The following MYO3B variants were observed in gnomAD, a reference collection of about 807,000 sequenced individuals.
MYO3B encodes the protein myosin-IIIb.
A neutral mutation model predicts 174.6 loss-of-function variants in MYO3B; 156 were observed. The observed-to-expected ratio is 0.89, with a 90% CI of 0.78 to 1.02. The LOEUF is 1.02. Among genes scored for constraint, MYO3B ranks in the 50% least tolerant of loss-of-function variants. The pLI, the probability that MYO3B is intolerant of heterozygous loss-of-function variation, is 0.00. For synonymous variants in MYO3B, 563 were observed against 569.1 expected, an observed-to-expected ratio of 0.99 and a Z score of 0.15; for missense variants, 1,632 against 1,639.4, an observed-to-expected ratio of 1.00 and a Z score of 0.08.
chr2:170,284,994 TA>T (rs999140075), intron 7 of MYO3B, among the ~76,000 whole-genome samples: 10 of 152,268 alleles, frequency 6.6e-5, no homozygotes, highest in Non-Finnish European at 8.8e-5. Context: ...TTTGAGTTGC[TA>T]AACATCATGT....
chr2:170,355,438 A>G (rs1489561384), intron 8 of MYO3B, among the ~76,000 whole-genome samples: 1 of 152,258 alleles, frequency 6.6e-6, no homozygotes, highest in Non-Finnish European at 1.5e-5. Context: ...ACACAATGCC[A>G]GTACGACTAT....
intron 32 of MYO3B, chr2:170,647,056 A>G (rs1247779809): frequency 2.1e-6 from 1 of 475,992 alleles, no homozygotes; most frequent in African/African-American, 2.1e-5. Context: ...GCATGTCACT[A>G]ACGTCTTCTT....
chr2:170,605,177 T>A (rs1694738964), intron 32 of MYO3B, among the ~76,000 whole-genome samples: 1 of 152,184 alleles, frequency 6.6e-6, no homozygotes. Flanking sequence ...TTGACAAGGC[T>A]GACCCATGGT....
chr2:170,390,223 G>T (rs12613820), intron 14 of MYO3B, among the ~76,000 whole-genome samples: 7,777 of 152,282 alleles, frequency 0.051, 725 homozygotes, highest in East Asian at 0.45. Context: ...AAGATAGCTT[G>T]TTTGAGACCA....
At position 170,379,682 on chromosome 2, in the gene MYO3B, A is replaced by G. The variant is rs1263135619; in HGVS notation, c.972-2334A>G. Among the ~76,000 whole-genome samples, 4 of 152,334 alleles carry G rather than the reference A, an allele frequency of 2.6e-5. No homozygotes were observed. In the East Asian group the frequency reaches 7.7e-4, roughly 29 times the overall value. On this transcript the variant is annotated intron_variant, in intron 9 of 34. Coordinates refer to ENST00000408978, the MANE Select transcript of MYO3B (RefSeq NM_138995.5). ...ATTTGATTTTTCTTTGCCATCACCA[A>G]TATGTAAAGTCACAGATAAATAATT...
chr2:170,649,021 A>ATATATAAAATAATATATAATGTATAT lies in MYO3B; in HGVS notation c.3734-2574_3734-2549dup, dbSNP rs1559200667. Among the ~76,000 whole-genome samples the ATATATAAAATAATATATAATGTATAT allele has an allele frequency of 1.6e-3, 85 of 52,752 alleles. 33 individuals are homozygous for ATATATAAAATAATATATAATGTATAT. Among genetic ancestry groups the ATATATAAAATAATATATAATGTATAT allele is most frequent in the Non-Finnish European group, 2.5e-3 (74 of 30,168 alleles). The allele number at this position is 52,752 out of a possible 152,430, so 34.6% of individuals were successfully genotyped here. A position where few individuals can be genotyped will look rare whatever the true frequency, so the allele number is the denominator to read the frequency against. On this transcript the variant is annotated intron_variant, in intron 32 of 34. Coordinates refer to ENST00000408978, the MANE Select transcript of MYO3B (RefSeq NM_138995.5). The stretch of plus-strand genomic sequence containing the variant: ...TATATAAAATAATATATAATGTATA[A>ATATATAAAATAATATATAATGTATAT]TATATAAAATAATATATAATGTATA...
chr2:170,624,332 G>A (rs1356331422), intron 32 of MYO3B, among the ~76,000 whole-genome samples: 1 of 152,114 alleles, frequency 6.6e-6, no homozygotes, highest in African/African-American at 2.4e-5. Context: ...TCTCTTTGTA[G>A]GAATTGTGAA....
intron 29 of MYO3B, among the ~76,000 whole-genome samples, chr2:170,516,992 T>C (rs1038029694): frequency 2.6e-5 from 4 of 152,232 alleles, no homozygotes; most frequent in African/African-American, 9.6e-5. Flanking sequence ...CCAATGTCCT[T>C]GTTCAGCAAT....
At chr2:170,426,243 G>A (rs1349215474) in intron 22 of MYO3B, among the ~76,000 whole-genome samples, 2 of 151,854 alleles carry the variant, frequency 1.3e-5, no homozygotes, top group Non-Finnish European at 2.9e-5. Flanking sequence ...GGAGGCTGAG[G>A]CGAGAGGATT....
intron 32 of MYO3B, among the ~76,000 whole-genome samples, chr2:170,568,628 G>A (rs1416791363): frequency 6.6e-6 from 1 of 152,212 alleles, no homozygotes; most frequent in Non-Finnish European, 1.5e-5. Flanking sequence ...ATTCTGCAGA[G>A]GCTCTTGTCC....
intron 32 of MYO3B, among the ~76,000 whole-genome samples, chr2:170,595,184 G>A (rs889718797): frequency 6.6e-6 from 1 of 152,174 alleles, no homozygotes; most frequent in Admixed American, 6.5e-5. Context: ...GGGTTGTGGT[G>A]AGGAGTAAAG....
Position 170,536,978 on chromosome 2 carries a change from A to G in MYO3B, c.3576-5928A>G, listed in dbSNP as rs182604375. Among the ~76,000 whole-genome samples, 570 of 152,092 alleles carry G rather than the reference A, an allele frequency of 3.7e-3. 2 individuals are homozygous for G. The highest frequency in any genetic ancestry group is 0.013 in the African/African-American group (522 of 41,508). The stretch of plus-strand genomic sequence containing the variant: ...GCACTTTGGGAGTCTGAGGCAGGTG[A>G]ATCACGAGGTCAGGCATTCAAGACC... On this transcript the variant is annotated intron_variant, in intron 30 of 34. Transcript: ENST00000408978.
chr2:170,215,230 C>G (rs1206924162), intron 5 of MYO3B, among the ~76,000 whole-genome samples: 1 of 152,112 alleles, frequency 6.6e-6, no homozygotes, highest in Non-Finnish European at 1.5e-5. Flanking sequence ...ATACTTATTC[C>G]CAGGGAGCAG....
chr2:170,625,214 TA>T (rs1192159221), intron 32 of MYO3B, among the ~76,000 whole-genome samples: 2 of 152,238 alleles, frequency 1.3e-5, no homozygotes, highest in Non-Finnish European at 2.9e-5. Context: ...TTTTGGTTGG[TA>T]AGCAGTTAAT....
chr2:170,599,270 C>T (rs533615427), intron 32 of MYO3B, among the ~76,000 whole-genome samples: 6 of 152,298 alleles, frequency 3.9e-5, no homozygotes, highest in African/African-American at 1.4e-4. Context: ...TTTGACAATA[C>T]TCCAGGCAGT....
At chr2:170,494,910 T>C (rs1686756206) in intron 25 of MYO3B, among the ~76,000 whole-genome samples, 1 of 152,078 alleles carries the variant, frequency 6.6e-6, no homozygotes, top group Admixed American at 6.6e-5. Context: ...CCCAAGATAA[T>C]AGTTAAGAAC....
intron 22 of MYO3B, among the ~76,000 whole-genome samples, chr2:170,437,413 G>GT (rs2094762434): frequency 1.3e-5 from 2 of 152,078 alleles, no homozygotes; most frequent in Non-Finnish European, 2.9e-5. Flanking sequence ...ATCTAGGAAG[G>GT]TTTTTTCTGA....
At chr2:170,624,281 T>C (rs1295066534) in intron 32 of MYO3B, among the ~76,000 whole-genome samples, 2 of 152,342 alleles carry the variant, frequency 1.3e-5, no homozygotes, top group South Asian at 2.1e-4. Flanking sequence ...CTTGAAGAGA[T>C]CCTTCACATC....
At chr2:170,652,952 G>A (rs1017337588) in intron 34 of MYO3B, 31 bp from the exon 35 acceptor site, 2 of 1,610,234 alleles carry the variant, frequency 1.2e-6, no homozygotes, top group Non-Finnish European at 1.7e-6. Context: ...TTTATTTTTT[G>A]TTGAAAATCC....
Sources: gnomAD v4.1 joint callset for allele counts (sites outside exome capture counted in the v4.1 genomes callset) on GRCh38, gnomAD v4.1.1 for gene constraint, MANE v1.5 for transcripts, NCBI Gene and HGNC (gene_info 2026-07-23, HGNC 2026-07-21) for gene names.